TMEM74: variants seen among roughly 807,000 people sequenced by gnomAD.
The protein encoded by TMEM74 is transmembrane protein 74.
TMEM74 carries 13 observed loss-of-function variants against 18.1 expected under a neutral mutation model. That is an observed-to-expected ratio of 0.72 (90% confidence interval 0.47 to 1.14). TMEM74 has a LOEUF of 1.14. Among genes scored for constraint, TMEM74 ranks in the 50% most tolerant of loss-of-function variants. The pLI is 0.00. For missense variants in TMEM74, 372 were observed against 375.9 expected (o/e 0.99, Z 0.09); for synonymous variants, 159 against 146.6 (o/e 1.08, Z -0.61).
At chr8:108,684,679 A>G (rs1586260017) in intron 1 of TMEM74, among the ~76,000 whole-genome samples, 1 of 131,128 alleles carries the variant, frequency 7.6e-6, no homozygotes, top group East Asian at 2.5e-4. Context: ...CATTTACCCT[A>G]TGTTTTTCTA....
intron 1 of TMEM74, among the ~76,000 whole-genome samples, chr8:108,718,373 T>C (rs1044946738): frequency 1.3e-5 from 2 of 152,214 alleles, no homozygotes; most frequent in African/African-American, 4.8e-5. Context: ...AGCATATGGA[T>C]ATACTTTAAA....
intron 1 of TMEM74, among the ~76,000 whole-genome samples, chr8:108,662,605 T>C (rs1046445257): frequency 7.2e-5 from 11 of 152,158 alleles, no homozygotes; most frequent in African/African-American, 7.2e-5. Context: ...CCTGGCTCCA[T>C]AGATGCCCAG....
chr8:108,766,199 C>T (rs1814105418), intron 1 of TMEM74, among the ~76,000 whole-genome samples: 1 of 150,534 alleles, frequency 6.6e-6, no homozygotes, highest in Admixed American at 6.6e-5. Flanking sequence ...GTTATTTCTC[C>T]TTTCCTTCCT....
chr8:108,699,552 G>A (rs187777542), intron 1 of TMEM74, among the ~76,000 whole-genome samples: 1 of 152,084 alleles, frequency 6.6e-6, no homozygotes, highest in Admixed American at 6.5e-5. Flanking sequence ...GATATATTTG[G>A]GGAACAATTA....
chr8:108,634,636 G>C (rs1469413811), intron 2 of TMEM74, among the ~76,000 whole-genome samples: 4 of 151,902 alleles, frequency 2.6e-5, no homozygotes, highest in Admixed American at 1.3e-4. Context: ...ATTTTCAGGG[G>C]ACTCTTCACT....
At chr8:108,730,170 A>C (rs1813679454) in intron 1 of TMEM74, among the ~76,000 whole-genome samples, 1 of 152,184 alleles carries the variant, frequency 6.6e-6, no homozygotes, top group South Asian at 2.1e-4. Context: ...TTTCAAGGTC[A>C]AATAAAAGCC....
chr8:108,761,274 A>G (rs575311495), intron 1 of TMEM74, among the ~76,000 whole-genome samples: 54 of 152,190 alleles, frequency 3.5e-4, no homozygotes, highest in Admixed American at 1.6e-3. Context: ...TAGGTTTTCT[A>G]ATCTCTTTAC....
At chr8:108,717,820 G>A (rs917346289) in intron 1 of TMEM74, among the ~76,000 whole-genome samples, 1 of 152,022 alleles carries the variant, frequency 6.6e-6, no homozygotes, top group Non-Finnish European at 1.5e-5. Context: ...GCGTAAGGGA[G>A]GAAGAATGAG....
chr8:108,624,866 C>T (rs1404320675), intron 2 of TMEM74, among the ~76,000 whole-genome samples: 6 of 151,756 alleles, frequency 4.0e-5, no homozygotes, highest in Admixed American at 3.3e-4. Flanking sequence ...ATTTCATTAC[C>T]CCTCAAATGC....
At chr8:108,673,129 T>C (rs994797611) in intron 1 of TMEM74, among the ~76,000 whole-genome samples, 2 of 152,200 alleles carry the variant, frequency 1.3e-5, no homozygotes, top group South Asian at 4.1e-4. Flanking sequence ...ATGAAAAGAA[T>C]GCCCAAGGAA....
At chr8:108,643,703 C>T (rs1310879349) in intron 2 of TMEM74, among the ~76,000 whole-genome samples, 1 of 150,364 alleles carries the variant, frequency 6.7e-6, no homozygotes, top group Non-Finnish European at 1.5e-5. Context: ...GAACGCATCT[C>T]TAAAAGAAAA....
At chr8:108,745,555 C>G (rs1698723455) in intron 1 of TMEM74, among the ~76,000 whole-genome samples, 1 of 152,074 alleles carries the variant, frequency 6.6e-6, no homozygotes, top group African/African-American at 2.4e-5. Flanking sequence ...AATTTGCTGA[C>G]TCTGGTGTAT....
intron 1 of TMEM74, among the ~76,000 whole-genome samples, chr8:108,773,172 C>T (rs1023992967): frequency 1.3e-5 from 2 of 152,022 alleles, no homozygotes; most frequent in Admixed American, 6.6e-5. Flanking sequence ...CAGTGCTCAG[C>T]TCTGCACTCA....
chr8:108,729,422 A>G (rs1426425402), intron 1 of TMEM74, among the ~76,000 whole-genome samples: 1 of 152,222 alleles, frequency 6.6e-6, no homozygotes, highest in Non-Finnish European at 1.5e-5. Context: ...CCCAGTGTAT[A>G]AGAGATAATC....
intron 1 of TMEM74, 76 bp from the exon 2 acceptor site, chr8:108,785,213 T>A: frequency 8.9e-7 from 1 of 1,126,280 alleles, no homozygotes. Flanking sequence ...GCTCCTGGGG[T>A]CCCCATTTCC....
At chr8:108,752,574 C>G (rs1485579443) in intron 1 of TMEM74, among the ~76,000 whole-genome samples, 1 of 152,116 alleles carries the variant, frequency 6.6e-6, no homozygotes, top group Non-Finnish European at 1.5e-5. Flanking sequence ...CTCCTTTCAT[C>G]CCAACTGTGT....
intron 2 of TMEM74, chr8:108,653,236 AC>A (rs1377167210): frequency 1.3e-5 from 2 of 158,464 alleles, no homozygotes; most frequent in African/African-American, 4.8e-5. Flanking sequence ...TATTCTGTCC[AC>A]TTGAGACTCT....
intron 1 of TMEM74, among the ~76,000 whole-genome samples, chr8:108,723,446 ATG>A (rs10536344): frequency 0.43 from 65,304 of 151,440 alleles, 16,780 homozygotes; most frequent in African/African-American, 0.71. Flanking sequence ...TTTCGTGTGT[ATG>A]TGTGTGTGTG....
chr8:108,659,254 A>AACACACACACACACAAACACACACACAC (rs6150751), intron 1 of TMEM74, among the ~76,000 whole-genome samples: 2 of 149,856 alleles, frequency 1.3e-5, no homozygotes, highest in African/African-American at 4.9e-5. Context: ...ATAGCCCACT[A>AACACACACACACACAAACACACACACAC]ACACACACAC....
Sources: allele counts gnomAD v4.1 joint callset (sites outside exome capture counted in the v4.1 genomes callset), GRCh38; gene constraint gnomAD v4.1.1; transcripts MANE v1.5; gene names NCBI Gene and HGNC (gene_info 2026-07-23, HGNC 2026-07-21).